The following ELMOD1 variants were observed in gnomAD, a reference collection of about 807,000 sequenced individuals.
ELMOD1 encodes the protein ELMO domain containing 1, also known as ELMO domain-containing protein 1.
A neutral mutation model predicts 46.7 loss-of-function variants in ELMOD1; 21 were observed. The ratio of observed to expected loss-of-function variants is 0.45; its 90% CI spans 0.32 to 0.65. The LOEUF is 0.65. Ranked by LOEUF, ELMOD1 falls within the 30% of genes least tolerant of loss-of-function variation. The pLI is 0.04. For synonymous variants in ELMOD1, 122 were observed against 138.2 expected (o/e 0.88, Z 0.82); for missense variants, 348 against 407.8 (o/e 0.85, Z 1.26).
At chr11:107,603,674 C>G (rs906032703) in intron 1 of ELMOD1, among the ~76,000 whole-genome samples, 3 of 152,100 alleles carry the variant, frequency 2.0e-5, no homozygotes, top group Non-Finnish European at 4.4e-5. Flanking sequence ...CTCAGGAGTT[C>G]GAGACCAGCC....
intron 2 of ELMOD1, among the ~76,000 whole-genome samples, chr11:107,621,233 AC>A (rs2135676780): frequency 6.6e-6 from 1 of 152,160 alleles, no homozygotes; most frequent in South Asian, 2.1e-4. Context: ...CCTGCATCTC[AC>A]CTCGTTATTT....
At chr11:107,626,660 C>CTTTCCCTCTGTCTTTCTTTCTT (rs148641048) in intron 2 of ELMOD1, among the ~76,000 whole-genome samples, 1 of 125,316 alleles carries the variant, frequency 8.0e-6, no homozygotes, top group Non-Finnish European at 1.6e-5. Context: ...CTTTCTTTTT[C>CTTTCCCTCTGTCTTTCTTTCTT]TTTCTTTCTT....
At chr11:107,595,512 G>T (rs1389084736) in intron 1 of ELMOD1, among the ~76,000 whole-genome samples, 2 of 152,140 alleles carry the variant, frequency 1.3e-5, no homozygotes, top group Non-Finnish European at 2.9e-5. Flanking sequence ...GCAAGGCTTC[G>T]CATGAACACG....
At chr11:107,662,479 G>A (rs535983967) in intron 11 of ELMOD1, among the ~76,000 whole-genome samples, 61 of 148,064 alleles carry the variant, frequency 4.1e-4, no homozygotes, top group Non-Finnish European at 6.7e-4. Flanking sequence ...GCGTGGTGGC[G>A]CATGCCTGTA....
At position 107,637,647 on chromosome 11, in the gene ELMOD1, C is replaced by T. The variant is rs537630144; in HGVS notation, c.420+1882C>T. 4.0e-5 allele frequency among the ~76,000 whole-genome samples: 6 copies of T among 151,832 alleles called. No homozygotes were observed. The East Asian group carries it at 5.8e-4, about 15-fold the overall frequency. The stretch of plus-strand genomic sequence containing the variant: ...GGCGGAGGTTGCAATGAGCCTAGAT[C>T]GCACCACTGCACTCCAGCCTGGGTG... On this transcript the variant is annotated intron_variant, in intron 6 of 11. Transcript: ENST00000265840.
chr11:107,648,571 G>A (rs1866472823), intron 7 of ELMOD1, among the ~76,000 whole-genome samples: 1 of 152,152 alleles, frequency 6.6e-6, no homozygotes, highest in Non-Finnish European at 1.5e-5. Context: ...TTAATTAATT[G>A]TATAAAGAGT....
At chr11:107,595,284 T>C (rs1193926142) in intron 1 of ELMOD1, among the ~76,000 whole-genome samples, 3 of 152,164 alleles carry the variant, frequency 2.0e-5, no homozygotes, top group Admixed American at 6.5e-5. Flanking sequence ...CTAAAACTTA[T>C]AACTAAGTAG....
intron 11 of ELMOD1, among the ~76,000 whole-genome samples, chr11:107,660,399 A>G (rs950935722): frequency 3.9e-5 from 6 of 152,226 alleles, no homozygotes; most frequent in African/African-American, 1.4e-4. Context: ...CAAAAATTGC[A>G]TTCAGTCTAA....
chr11:107,655,376 C>A (rs141821723), intron 10 of ELMOD1, among the ~76,000 whole-genome samples: 1 of 151,976 alleles, frequency 6.6e-6, no homozygotes, highest in South Asian at 2.1e-4. Context: ...TTGTCCACTT[C>A]GGATTTTTTT....
chr11:107,605,191 CTTTTTTT>C (rs1033311280), intron 1 of ELMOD1, among the ~76,000 whole-genome samples: 26 of 128,142 alleles, frequency 2.0e-4, no homozygotes, highest in South Asian at 1.0e-3. Context: ...AATTTTCTTT[CTTTTTTT>C]TTTTTTTTTT....
intron 10 of ELMOD1, among the ~76,000 whole-genome samples, chr11:107,654,515 A>G (rs1390925076): frequency 6.6e-6 from 1 of 152,132 alleles, no homozygotes; most frequent in African/African-American, 2.4e-5. Context: ...CACGCCTGTA[A>G]TCCCAGCACT....
chr11:107,617,604 T>G (rs751023674), intron 1 of ELMOD1, among the ~76,000 whole-genome samples: 114 of 152,220 alleles, frequency 7.5e-4, no homozygotes, highest in Non-Finnish European at 1.3e-3. Context: ...GCATCATTCA[T>G]TTCTTTGTAG....
intron 11 of ELMOD1, among the ~76,000 whole-genome samples, chr11:107,662,128 G>A (rs1866749284): frequency 6.6e-6 from 1 of 152,188 alleles, no homozygotes; most frequent in African/African-American, 2.4e-5. Context: ...CCCAGAATGA[G>A]GAAGAACCTT....
At chr11:107,635,858 G>T in intron 6 of ELMOD1, 93 bp downstream of exon 6, 2 of 1,340,362 alleles carry the variant, frequency 1.5e-6, no homozygotes, top group South Asian at 1.6e-5. Context: ...GGACATCAGG[G>T]GTACAAAGAT....
At chr11:107,646,710 G>T (rs938829475) in intron 6 of ELMOD1, among the ~76,000 whole-genome samples, 1 of 151,918 alleles carries the variant, frequency 6.6e-6, no homozygotes, top group Non-Finnish European at 1.5e-5. Context: ...ACTCCAGCCT[G>T]GGCAACAGAG....
intron 1 of ELMOD1, among the ~76,000 whole-genome samples, chr11:107,609,860 C>A (rs925283167): frequency 6.6e-6 from 1 of 152,128 alleles, no homozygotes; most frequent in Non-Finnish European, 1.5e-5. Context: ...AAAATTACTA[C>A]AAATCAGGGG....
intron 2 of ELMOD1, chr11:107,625,249 A>G (rs948631399): frequency 1.9e-5 from 6 of 316,124 alleles, no homozygotes; most frequent in African/African-American, 9.0e-5. Flanking sequence ...CAACTAAATG[A>G]TCTGTCGGGG....
In ELMOD1 at chr11:107,650,420, A is replaced by G; in HGVS notation, c.623+17A>G. The G allele has an allele frequency of 6.5e-7, 1 of 1,548,918 alleles. No individual in the cohort carries two copies. The highest frequency in any genetic ancestry group is 8.8e-7 in the Non-Finnish European group (1 of 1,137,520). ...GAAATGCAGGTAATTGTTGAAAGTA[A>G]AAGATGAATTAGGTTTTATGGGTTA... On this transcript the variant is annotated intron_variant, in intron 8 of 11. Transcript: ENST00000265840.
chr11:107,635,843 G>C, intron 6 of ELMOD1, 78 bp downstream of exon 6: 1 of 1,436,052 alleles, frequency 7.0e-7, no homozygotes, highest in Non-Finnish European at 9.4e-7. Flanking sequence ...GCTAGGCGCT[G>C]CTCTGGACAT....
Sources: allele counts gnomAD v4.1 joint callset (sites outside exome capture counted in the v4.1 genomes callset), GRCh38; gene constraint gnomAD v4.1.1; transcripts MANE v1.5; gene names NCBI Gene and HGNC (gene_info 2026-07-23, HGNC 2026-07-21).